The following SLC30A8 variants were observed in gnomAD, a reference collection of about 807,000 sequenced individuals.
SLC30A8 encodes proton-coupled zinc antiporter SLC30A8.
SLC30A8 carries 27 observed loss-of-function variants against 36.9 expected under a neutral mutation model. That is an observed-to-expected ratio of 0.73 (90% CI 0.54 to 1.01). The LOEUF is 1.01. Ranked by LOEUF, SLC30A8 falls within the 50% of genes least tolerant of loss-of-function variation. The probability of loss-of-function intolerance (pLI) is 0.00; values close to 1 mark genes in which losing one functional copy is unlikely to be tolerated. For synonymous variants in SLC30A8, 164 were observed against 172.4 expected, an observed-to-expected ratio of 0.95 and a Z score of 0.38; for missense variants, 439 against 452.0, an observed-to-expected ratio of 0.97 and a Z score of 0.26.
chr8:117,127,955 C>A (rs1265802058), intron 2 of SLC30A8, among the ~76,000 whole-genome samples: 2 of 152,082 alleles, frequency 1.3e-5, no homozygotes, highest in Non-Finnish European at 2.9e-5. Context: ...AAAGGCAATT[C>A]TCTCTTATAT....
chr8:117,150,692 G>A (rs947949780), intron 2 of SLC30A8, among the ~76,000 whole-genome samples: 6 of 151,926 alleles, frequency 3.9e-5, no homozygotes, highest in African/African-American at 1.5e-4. Context: ...TGCAAGCTCC[G>A]CCTCCCGGGT....
At chr8:117,166,974 G>A (rs994322983) in intron 6 of SLC30A8, among the ~76,000 whole-genome samples, 3 of 151,776 alleles carry the variant, frequency 2.0e-5, no homozygotes, top group African/African-American at 7.3e-5. Context: ...ATGTCACAGA[G>A]TAATAGTGAA....
intron 2 of SLC30A8, among the ~76,000 whole-genome samples, chr8:117,119,852 C>T (rs1232292164): frequency 6.6e-6 from 1 of 151,766 alleles, no homozygotes; most frequent in African/African-American, 2.4e-5. Context: ...CATGAACTAT[C>T]AGAAAAGAAA....
rs180759441 is a variant in SLC30A8 at position 116,992,185 on chromosome 8, G to A, written c.-266+41066G>A. ...TCAAAAATAACAAGGTGACAAAGCC[G>A]AGAAAAATCAAGAGTCATGTCATCT... is the stretch of plus-strand genomic sequence containing the variant. On this transcript the variant is annotated intron_variant, in intron 1 of 10. Transcript: ENST00000427715. Among the ~76,000 whole-genome samples the A allele has an allele frequency of 3.7e-4, 57 of 152,210 alleles. 1 individual carries two copies. Among genetic ancestry groups the A allele is most frequent in the Admixed American group, 3.5e-3 (54 of 15,282 alleles).
intron 1 of SLC30A8, among the ~76,000 whole-genome samples, chr8:117,141,974 G>C (rs915983928): frequency 6.6e-6 from 1 of 152,112 alleles, no homozygotes; most frequent in African/African-American, 2.4e-5. Context: ...TTGAGGCACA[G>C]AGAGGTTAAG....
intron 2 of SLC30A8, among the ~76,000 whole-genome samples, chr8:117,052,744 C>T (rs1817749149): frequency 6.6e-6 from 1 of 152,170 alleles, no homozygotes; most frequent in African/African-American, 2.4e-5. Context: ...TTATCACCTC[C>T]AGCTCTTTCT....
chr8:116,963,665 G>A (rs942886489), intron 1 of SLC30A8, among the ~76,000 whole-genome samples: 1 of 151,928 alleles, frequency 6.6e-6, no homozygotes, highest in African/African-American at 2.4e-5. Context: ...TCAGTTGATG[G>A]GCATCTGGGT....
At chr8:117,011,110 C>T (rs149437233) in intron 1 of SLC30A8, among the ~76,000 whole-genome samples, 16 of 152,192 alleles carry the variant, frequency 1.1e-4, no homozygotes, top group Non-Finnish European at 1.8e-4. Flanking sequence ...GGCTACAGCC[C>T]GAGAGAACGA....
At chr8:117,119,098 A>T (rs1210406726) in intron 2 of SLC30A8, among the ~76,000 whole-genome samples, 1 of 151,862 alleles carries the variant, frequency 6.6e-6, no homozygotes, top group Admixed American at 6.6e-5. Context: ...AGTTTTGATT[A>T]CCTGTATCAG....
At chr8:117,042,912 GTGATCCGC>G (rs1817432429) in intron 2 of SLC30A8, among the ~76,000 whole-genome samples, 1 of 152,220 alleles carries the variant, frequency 6.6e-6, no homozygotes, top group Non-Finnish European at 1.5e-5. Context: ...CTGACCTCAG[GTGATCCGC>G]TGGCCTTGGC....
intron 2 of SLC30A8, among the ~76,000 whole-genome samples, chr8:117,148,820 C>CCAAA (rs1398905803): frequency 6.6e-6 from 1 of 152,074 alleles, no homozygotes; most frequent in Non-Finnish European, 1.5e-5. Context: ...ATGCAGTCCA[C>CCAAA]CGTTTTTCAT....
intron 1 of SLC30A8, among the ~76,000 whole-genome samples, chr8:117,013,921 A>G (rs1373844386): frequency 6.6e-6 from 1 of 152,180 alleles, no homozygotes; most frequent in Non-Finnish European, 1.5e-5. Context: ...TTTAAGGATA[A>G]ATTGTTAGCC....
intron 2 of SLC30A8, among the ~76,000 whole-genome samples, chr8:117,094,039 G>A (rs1398714858): frequency 6.6e-6 from 1 of 152,234 alleles, no homozygotes; most frequent in Non-Finnish European, 1.5e-5. Flanking sequence ...TGGGAATGTG[G>A]TAGTGCCTGG....
intron 1 of SLC30A8, among the ~76,000 whole-genome samples, chr8:116,979,282 ATAATTGTGTCTCTTT>A (rs1293067638): frequency 1.3e-5 from 2 of 150,862 alleles, no homozygotes; most frequent in East Asian, 3.9e-4. Flanking sequence ...AATCATAAAG[ATAATTGTGTCTCTTT>A]TAAGCACTCA....
chr8:117,045,860 C>T (rs1817533898), intron 2 of SLC30A8, among the ~76,000 whole-genome samples: 1 of 152,056 alleles, frequency 6.6e-6, no homozygotes, highest in African/African-American at 2.4e-5. Flanking sequence ...GGATCTCTGG[C>T]ATGGTCTCTT....
chr8:117,138,060 CAAAAAAA>C (rs60065374), intron 1 of SLC30A8, among the ~76,000 whole-genome samples: 7 of 49,982 alleles, frequency 1.4e-4, no homozygotes, highest in Non-Finnish European at 2.1e-4. Flanking sequence ...TTCATTGTAG[CAAAAAAA>C]AAAAAAAAAA....
intron 2 of SLC30A8, among the ~76,000 whole-genome samples, chr8:117,121,898 A>G (rs1820709819): frequency 6.6e-6 from 1 of 151,900 alleles, no homozygotes; most frequent in Non-Finnish European, 1.5e-5. Context: ...CAACATGGAA[A>G]AGTTCTAAAG....
At chr8:117,095,678 G>A (rs1232789389) in intron 2 of SLC30A8, among the ~76,000 whole-genome samples, 2 of 152,086 alleles carry the variant, frequency 1.3e-5, no homozygotes, top group East Asian at 3.9e-4. Context: ...AGAATCCATT[G>A]CCTTGTTCAT....
chr8:117,118,918 A>T (rs1586546383), intron 2 of SLC30A8, among the ~76,000 whole-genome samples: 1 of 152,064 alleles, frequency 6.6e-6, no homozygotes, highest in East Asian at 1.9e-4. Context: ...GTTAACATCG[A>T]AACTCACTCA....
Sources: gnomAD v4.1 joint callset for allele counts (sites outside exome capture counted in the v4.1 genomes callset) on GRCh38, gnomAD v4.1.1 for gene constraint, MANE v1.5 for transcripts, NCBI Gene and HGNC (gene_info 2026-07-23, HGNC 2026-07-21) for gene names.